The following SLC17A3 variants were observed in gnomAD, a reference collection of about 807,000 sequenced individuals.
SLC17A3 encodes the protein sodium-dependent phosphate transport protein 4.
In SLC17A3, 61 loss-of-function variants were observed where a neutral mutation model predicts 60.3. The observed-to-expected ratio is 1.01, with a 90% CI of 0.82 to 1.25. The LOEUF (loss-of-function observed/expected upper bound fraction) is 1.25, where lower values mean the gene tolerates loss of function less well. Among genes scored for constraint, SLC17A3 ranks in the 50% most tolerant of loss-of-function variants. The probability of loss-of-function intolerance (pLI) is 0.00; values close to 1 mark genes in which losing one functional copy is unlikely to be tolerated. For synonymous variants in SLC17A3, 192 were observed against 208.9 expected (o/e 0.92, Z 0.70); for missense variants, 624 against 594.9 (o/e 1.05, Z -0.51).
intron 1 of SLC17A3, among the ~76,000 whole-genome samples, chr6:25,869,921 ATGT>A (rs1486609750): frequency 6.6e-6 from 1 of 151,964 alleles, no homozygotes; most frequent in African/African-American, 2.4e-5. Flanking sequence ...AAATCCATCC[ATGT>A]TGTTGTACAT....
chr6:25,853,530 G>A (rs908766824), intron 6 of SLC17A3, among the ~76,000 whole-genome samples: 7 of 140,764 alleles, frequency 5.0e-5, no homozygotes, highest in African/African-American at 1.6e-4. Context: ...CCATTCTCCC[G>A]CCTCAGCCTC....
chr6:25,870,028 A>C (rs1765616088), intron 1 of SLC17A3, among the ~76,000 whole-genome samples: 1 of 151,918 alleles, frequency 6.6e-6, no homozygotes, highest in South Asian at 2.1e-4. Flanking sequence ...TTGATGAAAA[A>C]CTGCATTGTT....
At chr6:25,863,175 A>T (rs985240832) in intron 2 of SLC17A3, among the ~76,000 whole-genome samples, 1 of 152,120 alleles carries the variant, frequency 6.6e-6, no homozygotes, top group Admixed American at 6.6e-5. Flanking sequence ...AATTGTCCAA[A>T]AAATGTAGTA....
chr6:25,860,563 T>C (rs1765430233), intron 5 of SLC17A3, among the ~76,000 whole-genome samples: 1 of 152,156 alleles, frequency 6.6e-6, no homozygotes, highest in Non-Finnish European at 1.5e-5. Context: ...ATGGGCTCTA[T>C]GCTCTCTAAA....
At chr6:25,859,353 T>C (rs1199918858) in intron 5 of SLC17A3, among the ~76,000 whole-genome samples, 1 of 152,222 alleles carries the variant, frequency 6.6e-6, no homozygotes, top group East Asian at 1.9e-4. Flanking sequence ...TGGCCATCTC[T>C]TCCCAACTCT....
intron 1 of SLC17A3, among the ~76,000 whole-genome samples, chr6:25,869,841 A>G (rs183471167): frequency 4.1e-4 from 62 of 151,944 alleles, no homozygotes; most frequent in Non-Finnish European, 4.6e-4. Context: ...ACACATCCAA[A>G]CCATATCAGG....
intron 6 of SLC17A3, among the ~76,000 whole-genome samples, chr6:25,853,706 C>A (rs1765317230): frequency 6.6e-6 from 1 of 152,074 alleles, no homozygotes; most frequent in Admixed American, 6.5e-5. Flanking sequence ...GCGTGAGCCA[C>A]CGCACCCGGC....
At chr6:25,851,743 A>T (rs1235578362) in intron 6 of SLC17A3, among the ~76,000 whole-genome samples, 1 of 152,078 alleles carries the variant, frequency 6.6e-6, no homozygotes. Flanking sequence ...ATTTTGTTTC[A>T]TTGATCTATT....
rs1561853930 is a variant in SLC17A3, at chr6:25,850,502, A to G, written c.950T>C (p.Ile317Thr). The G allele has an allele frequency of 6.2e-7, 1 of 1,613,758 alleles. No homozygotes were observed. Residue 317 changes from isoleucine (I) to threonine (T), a missense_variant, in exon 8 of 13, where the codon ATA becomes ACA. Coordinates refer to ENST00000397060, the MANE Select transcript of SLC17A3 (RefSeq NM_001098486.2). ...QWLVSTMVVY[I>T]PTYISSVYHV... is the part of the protein sequence containing the mutation. The stretch of plus-strand genomic sequence containing the variant: ...GTACACAGAGCTGATGTAAGTTGGT[A>G]TGTATACAACCATTGTGCTAACTAA...
chr6:25,854,366 T>C (rs1765326611), intron 6 of SLC17A3, among the ~76,000 whole-genome samples: 1 of 152,184 alleles, frequency 6.6e-6, no homozygotes, highest in South Asian at 2.1e-4. Context: ...TTCTTGTGAA[T>C]TGGTAATATT....
At chr6:25,849,508 G>A in intron 10 of SLC17A3, 44 bp from the exon 11 acceptor site, 1 of 1,196,350 alleles carries the variant, frequency 8.4e-7, no homozygotes, top group Non-Finnish European at 1.3e-6. Flanking sequence ...AGAGATGTTT[G>A]ACAGTATCCT....
intron 2 of SLC17A3, among the ~76,000 whole-genome samples, chr6:25,863,331 A>G (rs1000370861): frequency 6.6e-6 from 1 of 152,134 alleles, no homozygotes; most frequent in South Asian, 2.1e-4. Flanking sequence ...TTGCAACATT[A>G]TATTAAGTGA....
intron 6 of SLC17A3, 40 bp downstream of exon 6, chr6:25,855,104 C>T (rs1765337189): frequency 8.0e-7 from 1 of 1,248,356 alleles, no homozygotes; most frequent in East Asian, 2.3e-5. Flanking sequence ...GAGAATCTTT[C>T]TGCATATGAA....
chr6:25,855,077 A>G, intron 6 of SLC17A3, 67 bp downstream of exon 6: 1 of 1,041,718 alleles, frequency 9.6e-7, no homozygotes, highest in Non-Finnish European at 1.5e-6. Context: ...AACTATACAC[A>G]AAATATACTT....
At position 25,862,346 on chromosome 6, in the gene SLC17A3, C is replaced by G. The variant is rs548410321; in HGVS notation, c.190G>C (p.Val64Leu). ...GGGCTTGTGCTGTTGACCATGGCTACCATGGTGATGTTCATGATGACATTT... is the reference window on the plus strand; with the variant it reads ...GGGCTTGTGCTGTTGACCATGGCTAGCATGGTGATGTTCATGATGACATTT... The part of the protein sequence containing the change: ...AQNVIMNITM[V>L]AMVNSTSPQS... The change falls in exon 3 of 13, where the codon GTA becomes CTA. Residue 64 changes from valine (V) to leucine (L), a missense_variant. By Grantham distance (32) the Val-to-Leu change is conservative. Transcript: ENST00000397060. The G allele has an allele frequency of 4.3e-6, 7 of 1,613,692 alleles. No homozygotes were observed. The African/African-American group carries it at 8.0e-5, about 18-fold the overall frequency.
Position 25,850,053 on chromosome 6 carries a change from A to G in SLC17A3, c.1118T>C (p.Ile373Thr), listed in dbSNP as rs761044760. ...RLITVRKIAT[I>T]LGSLPSSALI... The stretch of plus-strand genomic sequence containing the variant: ...CCCTCAAGCTCTGTTCTTACCTAAA[A>G]TTGTGGCAATTTTCCTCACAGTGAT... The change falls in exon 9 of 13, where the codon ATT (isoleucine) becomes ACT (threonine). Residue 373 changes from isoleucine to threonine, a missense_variant. Coordinates refer to ENST00000397060, the MANE Select transcript of SLC17A3 (RefSeq NM_001098486.2). 6 of 1,613,990 alleles carry G rather than the reference A, an allele frequency of 3.7e-6. No individual in the cohort carries two copies. The Admixed American group carries it at 1.0e-4, about 27-fold the overall frequency.
chr6:25,858,662 A>G (rs1431844233), intron 5 of SLC17A3, among the ~76,000 whole-genome samples: 1 of 152,038 alleles, frequency 6.6e-6, no homozygotes, highest in African/African-American at 2.4e-5. Flanking sequence ...CCAGGGCTTT[A>G]AATACCATTT....
At position 25,856,614 on chromosome 6, in the gene SLC17A3, G is replaced by A. The variant is rs543076191; in HGVS notation, c.626-1384C>T. Reference sequence around the variant, plus strand: ...TGTAATCCCAGCACTTTGGAAGGCCGAGGCAGGCGAATCATGAGGTTAGGA... The same window carrying A: ...TGTAATCCCAGCACTTTGGAAGGCCAAGGCAGGCGAATCATGAGGTTAGGA... On this transcript the variant is annotated intron_variant, in intron 5 of 12. Transcript: ENST00000397060. Among the ~76,000 whole-genome samples, 11 of 152,214 alleles carry A rather than the reference G, an allele frequency of 7.2e-5. No individual in the cohort carries two copies. The South Asian group carries it at 1.5e-3, about 20-fold the overall frequency.
chr6:25,852,064 C>G (rs927263200), intron 6 of SLC17A3, among the ~76,000 whole-genome samples: 3 of 148,932 alleles, frequency 2.0e-5, no homozygotes, highest in Non-Finnish European at 4.5e-5. Context: ...GTTTTTGAAA[C>G]TTTTTTTTTT....
Sources: gnomAD v4.1 joint callset for allele counts (sites outside exome capture counted in the v4.1 genomes callset) on GRCh38, gnomAD v4.1.1 for gene constraint, MANE v1.5 for transcripts, NCBI Gene and HGNC (gene_info 2026-07-23, HGNC 2026-07-21) for gene names.